ST6GALNAC5: variants seen among roughly 807,000 people sequenced by gnomAD.
ST6GALNAC5 encodes the protein alpha-N-acetylgalactosaminide alpha-2,6-sialyltransferase 5.
ST6GALNAC5 carries 27 observed loss-of-function variants against 33.6 expected under a neutral mutation model. The observed-to-expected ratio is 0.80, with a 90% CI of 0.59 to 1.11. The LOEUF (loss-of-function observed/expected upper bound fraction) is 1.11, where lower values mean the gene tolerates loss of function less well. Among genes scored for constraint, ST6GALNAC5 ranks in the 50% least tolerant of loss-of-function variants. ST6GALNAC5 has a pLI of 0.00. For missense variants in ST6GALNAC5, 428 were observed against 454.0 expected, an observed-to-expected ratio of 0.94 and a Z score of 0.52; for synonymous variants, 194 against 171.2, an observed-to-expected ratio of 1.13 and a Z score of -1.04.
intron 2 of ST6GALNAC5, among the ~76,000 whole-genome samples, chr1:77,007,743 AT>A (rs1650478610): frequency 6.6e-6 from 1 of 152,264 alleles, no homozygotes; most frequent in Admixed American, 6.5e-5. Flanking sequence ...TGTAATCCTT[AT>A]AGCTTGGTGC....
rs1452852148 is a variant in ST6GALNAC5 at position 77,064,856 on chromosome 1, C to G, written c.*1650C>G. ...TAAAAGAAGTTTTATCGCATTACCA[C>G]TTCTTTTCCCTTTTCTTAATTAGTA... On this transcript the variant is annotated 3_prime_UTR_variant, in exon 5 of 5. Transcript: ENST00000477717. 2.0e-5 allele frequency: 3 copies of G among 152,178 alleles called. No individual in the cohort carries two copies. Among genetic ancestry groups the G allele is most frequent in the Non-Finnish European group, 4.4e-5 (3 of 68,026 alleles). 9.4% of individuals were successfully genotyped at this position (152,178 alleles called of 1,614,324 possible).
intron 2 of ST6GALNAC5, among the ~76,000 whole-genome samples, chr1:76,892,849 T>C (rs1335464300): frequency 1.3e-5 from 2 of 152,162 alleles, no homozygotes; most frequent in African/African-American, 2.4e-5. Context: ...GCCTGTCCAA[T>C]TGTGCAAAGA....
At chr1:76,913,855 A>G (rs887282772) in intron 2 of ST6GALNAC5, among the ~76,000 whole-genome samples, 6 of 152,154 alleles carry the variant, frequency 3.9e-5, no homozygotes, top group Non-Finnish European at 7.4e-5. Flanking sequence ...CAATTAGGCA[A>G]GAGAAGGAAA....
At chr1:76,867,799 C>A (rs930329177) in intron 1 of ST6GALNAC5, 109 bp downstream of exon 1, 2 of 1,519,160 alleles carry the variant, frequency 1.3e-6, no homozygotes, top group South Asian at 1.1e-5. Context: ...GCCGCGAGGT[C>A]GCCTGTTACA....
At chr1:76,940,996 TAG>T (rs2100324321) in intron 2 of ST6GALNAC5, among the ~76,000 whole-genome samples, 1 of 152,176 alleles carries the variant, frequency 6.6e-6, no homozygotes, top group Admixed American at 6.5e-5. Flanking sequence ...CTCATAAAAT[TAG>T]TATGTAAATT....
chr1:77,011,761 T>C (rs1219032523), intron 2 of ST6GALNAC5, among the ~76,000 whole-genome samples: 1 of 152,130 alleles, frequency 6.6e-6, no homozygotes, highest in Non-Finnish European at 1.5e-5. Context: ...ATATACAAGA[T>C]ATTGTTCTAT....
chr1:76,888,762 C>A (rs1653951902), intron 2 of ST6GALNAC5, among the ~76,000 whole-genome samples: 1 of 146,822 alleles, frequency 6.8e-6, no homozygotes, highest in Non-Finnish European at 1.5e-5. Flanking sequence ...TTACCAAAGT[C>A]CTAAATGAAT....
intron 2 of ST6GALNAC5, among the ~76,000 whole-genome samples, chr1:77,017,252 C>G (rs970982434): frequency 6.6e-6 from 1 of 151,540 alleles, no homozygotes; most frequent in African/African-American, 2.4e-5. Flanking sequence ...ACATCAATTT[C>G]TATTCTTCAG....
intron 2 of ST6GALNAC5, among the ~76,000 whole-genome samples, chr1:76,922,441 A>G (rs948257095): frequency 3.9e-5 from 6 of 152,184 alleles, no homozygotes; most frequent in South Asian, 2.1e-4. Flanking sequence ...CCCCAAATTT[A>G]TCTATAGATT....
At chr1:76,892,914 G>C (rs1251118603) in intron 2 of ST6GALNAC5, among the ~76,000 whole-genome samples, 1 of 152,150 alleles carries the variant, frequency 6.6e-6, no homozygotes, top group Non-Finnish European at 1.5e-5. Flanking sequence ...GCTGCTGGTA[G>C]TTCCTCAAAG....
rs921556008 is a variant in ST6GALNAC5 at position 77,066,534 on chromosome 1, C to G, written c.*3328C>G. Reference sequence around the variant, plus strand: ...AGTTGAAATTCTATTAGGATTAAGACAGTGTTATTTAAAGGCACATGCACC... The same window carrying G: ...AGTTGAAATTCTATTAGGATTAAGAGAGTGTTATTTAAAGGCACATGCACC... On this transcript the variant is annotated 3_prime_UTR_variant, in exon 5 of 5. Coordinates refer to ENST00000477717, the MANE Select transcript of ST6GALNAC5 (RefSeq NM_030965.3). Among the ~76,000 whole-genome samples, 1 of 152,198 alleles carries G rather than the reference C, an allele frequency of 6.6e-6. No individual in the cohort carries two copies. Among genetic ancestry groups the G allele is most frequent in the East Asian group, 1.9e-4 (1 of 5,194 alleles).
chr1:77,057,277 T>C lies in ST6GALNAC5; in HGVS notation c.780-5698T>C, dbSNP rs1449419189. On this transcript the variant is annotated intron_variant, in intron 4 of 4. Coordinates refer to ENST00000477717, the MANE Select transcript of ST6GALNAC5 (RefSeq NM_030965.3). ...TGGGCAGGGTTAACCTAGATCACAC[T>C]ATAGGAGAGAAAAAGTAATTTCTTT... 2.6e-5 allele frequency among the ~76,000 whole-genome samples: 4 copies of C among 152,314 alleles called. No individual in the cohort carries two copies. In the East Asian group the frequency reaches 7.7e-4, roughly 29 times the overall value.
At chr1:76,895,747 C>G (rs141467637) in intron 2 of ST6GALNAC5, among the ~76,000 whole-genome samples, 1 of 152,030 alleles carries the variant, frequency 6.6e-6, no homozygotes, top group African/African-American at 2.4e-5. Context: ...TAGTTGAGAA[C>G]GGTGAATAGG....
chr1:76,954,169 A>G (rs1647859840), intron 2 of ST6GALNAC5, among the ~76,000 whole-genome samples: 1 of 152,184 alleles, frequency 6.6e-6, no homozygotes, highest in African/African-American at 2.4e-5. Flanking sequence ...AAAATGTGGT[A>G]CATATACACC....
intron 2 of ST6GALNAC5, among the ~76,000 whole-genome samples, chr1:76,994,779 C>A (rs895162339): frequency 6.6e-6 from 1 of 152,160 alleles, no homozygotes; most frequent in Non-Finnish European, 1.5e-5. Flanking sequence ...CAAAGTTCTG[C>A]ATTATTTTTT....
At chr1:77,024,029 G>A (rs1459412440) in intron 2 of ST6GALNAC5, among the ~76,000 whole-genome samples, 2 of 152,176 alleles carry the variant, frequency 1.3e-5, no homozygotes, top group Non-Finnish European at 2.9e-5. Flanking sequence ...AGAGAGCCCA[G>A]ATAACAAGCT....
chr1:76,941,849 C>G (rs972699887), intron 2 of ST6GALNAC5, among the ~76,000 whole-genome samples: 4 of 152,094 alleles, frequency 2.6e-5, no homozygotes, highest in African/African-American at 7.2e-5. Flanking sequence ...CTTAAGCCAC[C>G]AGGTATGTGG....
chr1:76,892,850 TG>T (rs1654042608), intron 2 of ST6GALNAC5, among the ~76,000 whole-genome samples: 1 of 152,176 alleles, frequency 6.6e-6, no homozygotes. Context: ...CCTGTCCAAT[TG>T]TGCAAAGAAG....
intron 2 of ST6GALNAC5, among the ~76,000 whole-genome samples, chr1:77,006,346 G>A (rs1234053412): frequency 1.9e-5 from 1 of 52,794 alleles, no homozygotes; most frequent in African/African-American, 8.3e-5. Context: ...TTTTTTTTTT[G>A]AGACAGAGTC....
Sources: allele counts gnomAD v4.1 joint callset (sites outside exome capture counted in the v4.1 genomes callset), GRCh38; gene constraint gnomAD v4.1.1; transcripts MANE v1.5; gene names NCBI Gene and HGNC (gene_info 2026-07-23, HGNC 2026-07-21).